The following TRABD2A variants were observed in gnomAD, a reference collection of about 807,000 sequenced individuals.
The protein encoded by TRABD2A is TraB domain containing 2A.
A neutral mutation model predicts 45.6 loss-of-function variants in TRABD2A; 43 were observed. The observed-to-expected ratio is 0.94, with a 90% CI of 0.74 to 1.22. The LOEUF (loss-of-function observed/expected upper bound fraction) is 1.22, where lower values mean the gene tolerates loss of function less well. Ranked by LOEUF, TRABD2A falls within the 50% of genes most tolerant of loss-of-function variation. The probability of loss-of-function intolerance (pLI) is 0.00; values close to 1 mark genes in which losing one functional copy is unlikely to be tolerated. For missense variants in TRABD2A, 642 were observed against 652.4 expected, an observed-to-expected ratio of 0.98 and a Z score of 0.17; for synonymous variants, 269 against 265.0, an observed-to-expected ratio of 1.02 and a Z score of -0.15.
At chr2:84,826,392 C>T (rs1681146871) in intron 5 of TRABD2A, among the ~76,000 whole-genome samples, 1 of 152,208 alleles carries the variant, frequency 6.6e-6, no homozygotes, top group Non-Finnish European at 1.5e-5. Flanking sequence ...TAGCTTTACT[C>T]TTCCTGGTTT....
chr2:84,845,570 C>G (rs11691972), intron 2 of TRABD2A, among the ~76,000 whole-genome samples: 17,506 of 131,192 alleles, frequency 0.13, 1,141 homozygotes, highest in Middle Eastern at 0.25. Flanking sequence ...GAGACAAGGG[C>G]GGGGGAAGAA....
intron 2 of TRABD2A, among the ~76,000 whole-genome samples, chr2:84,859,975 A>T (rs1393595206): frequency 6.6e-6 from 1 of 151,918 alleles, no homozygotes; most frequent in Non-Finnish European, 1.5e-5. Flanking sequence ...TATGTTGTCC[A>T]GGCTGGTCTC....
At chr2:84,827,220 TTGTGCTG>T (rs1218183934) in intron 5 of TRABD2A, among the ~76,000 whole-genome samples, 5 of 152,198 alleles carry the variant, frequency 3.3e-5, no homozygotes, top group African/African-American at 1.2e-4. Flanking sequence ...GGCTACCCCC[TTGTGCTG>T]ATAGCTTATT....
chr2:84,838,112 G>C lies in TRABD2A; in HGVS notation c.991+1037C>G, dbSNP rs993050882. On this transcript the variant is annotated intron_variant, in intron 4 of 6. Coordinates refer to ENST00000409520, the MANE Select transcript of TRABD2A (RefSeq NM_001277053.2). ...AGGGAACTATTGGACATGTCAAATA[G>C]TGATGATTCTTTAAGGATGGAGCTT... The C allele has an allele frequency of 1.2e-5, 8 of 665,700 alleles. No homozygotes were observed. The African/African-American group carries it at 1.5e-4, about 12-fold the overall frequency. The allele number at this position is 665,700 out of a possible 1,614,324, so 41.2% of individuals were successfully genotyped here. A position where few individuals can be genotyped will look rare whatever the true frequency, so the allele number is the denominator to read the frequency against.
intron 5 of TRABD2A, among the ~76,000 whole-genome samples, chr2:84,828,451 T>A (rs1349391689): frequency 6.6e-6 from 1 of 152,146 alleles, no homozygotes; most frequent in Non-Finnish European, 1.5e-5. Context: ...GAAACAGGTA[T>A]CCCTCCACTG....
chr2:84,856,726 G>A (rs142307095), intron 2 of TRABD2A, among the ~76,000 whole-genome samples: 12 of 152,104 alleles, frequency 7.9e-5, no homozygotes, highest in East Asian at 3.9e-4. Context: ...TCTTCTGCTC[G>A]CTTTGGTCAC....
intron 3 of TRABD2A, 114 bp downstream of exon 3, chr2:84,841,747 C>A: frequency 8.5e-7 from 1 of 1,174,890 alleles, no homozygotes; most frequent in South Asian, 2.7e-5. Context: ...CACTTTATTT[C>A]TAGAGCCCTC....
chr2:84,842,096 C>A, intron 2 of TRABD2A, 89 bp from the exon 3 acceptor site: 1 of 1,351,832 alleles, frequency 7.4e-7, no homozygotes. Context: ...AATACCTTCA[C>A]CTTTGTGCTC....
At chr2:84,823,521 G>A (rs1160107104) in intron 6 of TRABD2A, among the ~76,000 whole-genome samples, 1 of 152,150 alleles carries the variant, frequency 6.6e-6, no homozygotes, top group African/African-American at 2.4e-5. Flanking sequence ...AGCCATCTCT[G>A]AGACTACATT....
intron 1 of TRABD2A, among the ~76,000 whole-genome samples, chr2:84,877,072 C>T (rs972618861): frequency 4.6e-5 from 7 of 152,286 alleles, no homozygotes; most frequent in African/African-American, 9.6e-5. Flanking sequence ...AAAGGGCACC[C>T]GGATTCCCAC....
In TRABD2A at chr2:84,829,573, C is replaced by T. The variant is rs371596694; in HGVS notation, c.1082+2482G>A. On this transcript the variant is annotated intron_variant, in intron 5 of 6. Coordinates refer to ENST00000409520, the MANE Select transcript of TRABD2A (RefSeq NM_001277053.2). ...CACCACACATACCATACACACCACA[C>T]GTACCACACTGTACACACACAACAC... Among the ~76,000 whole-genome samples, 702 of 147,720 alleles carry T rather than the reference C, an allele frequency of 4.8e-3. 5 individuals carry two copies. Among genetic ancestry groups the T allele is most frequent in the African/African-American group, 0.017 (656 of 39,404 alleles).
chr2:84,833,737 TG>T (rs1681412345), intron 4 of TRABD2A: 1 of 151,400 alleles, frequency 6.6e-6, no homozygotes, highest in Admixed American at 6.6e-5. Flanking sequence ...AAGGAGCCAG[TG>T]CTAGATGGGG....
At chr2:84,834,677 T>C (rs1267120864) in intron 4 of TRABD2A, 1 of 152,254 alleles carries the variant, frequency 6.6e-6, no homozygotes, top group Non-Finnish European at 1.5e-5. Context: ...TCACTTAGCA[T>C]AATGTTTTCA....
intron 6 of TRABD2A, among the ~76,000 whole-genome samples, chr2:84,823,659 TC>T (rs1271917117): frequency 6.6e-6 from 1 of 152,194 alleles, no homozygotes; most frequent in African/African-American, 2.4e-5. Context: ...ATATGAAATA[TC>T]TAGTTCTTTG....
chr2:84,848,375 T>TAGATAGATAGACAGACAGAC (rs1315427907), intron 2 of TRABD2A, among the ~76,000 whole-genome samples: 6 of 80,588 alleles, frequency 7.4e-5, no homozygotes, highest in Admixed American at 1.2e-4. Flanking sequence ...GATAGATAGA[T>TAGATAGATAGACAGACAGAC]AGACAGACAG....
rs184051332 is a variant in TRABD2A at position 84,844,480 on chromosome 2, G to A, written c.670-2473C>T. On this transcript the variant is annotated intron_variant, in intron 2 of 6. Transcript: ENST00000409520. Reference sequence around the variant, plus strand: ...TTCCTTTACAGATTACCCAGTCTTGGGTATGTCTTCATTAGCAGTGTGAGA... The same window carrying A: ...TTCCTTTACAGATTACCCAGTCTTGAGTATGTCTTCATTAGCAGTGTGAGA... Among the ~76,000 whole-genome samples, 306 of 152,212 alleles carry A rather than the reference G, an allele frequency of 2.0e-3. 2 individuals carry two copies. Among genetic ancestry groups the A allele is most frequent in the Admixed American group, 4.6e-3 (71 of 15,284 alleles).
At chr2:84,836,013 T>G (rs2105377006) in intron 4 of TRABD2A, 1 of 152,294 alleles carries the variant, frequency 6.6e-6, no homozygotes, top group Middle Eastern at 3.4e-3. Flanking sequence ...ACCCTCACAC[T>G]AAAAACATAT....
At chr2:84,833,518 CA>C (rs771119552) in intron 4 of TRABD2A, 7 of 152,122 alleles carry the variant, frequency 4.6e-5, no homozygotes, top group Non-Finnish European at 8.8e-5. Context: ...ATCCCCATGA[CA>C]AAAGTCGCTG....
chr2:84,858,259 G>A (rs908641329), intron 2 of TRABD2A, among the ~76,000 whole-genome samples: 2 of 151,754 alleles, frequency 1.3e-5, no homozygotes, highest in African/African-American at 4.8e-5. Context: ...CCACACTCTA[G>A]CTCCCTCCAA....
Sources: allele counts gnomAD v4.1 joint callset (sites outside exome capture counted in the v4.1 genomes callset), GRCh38; gene constraint gnomAD v4.1.1; transcripts MANE v1.5; gene names NCBI Gene and HGNC (gene_info 2026-07-23, HGNC 2026-07-21).